The following DPP10 variants were observed in gnomAD, a reference collection of about 807,000 sequenced individuals.
DPP10 encodes dipeptidyl peptidase like 10.
In DPP10, 33 loss-of-function variants were observed where a neutral mutation model predicts 120.9. The ratio of observed to expected loss-of-function variants is 0.27; its 90% CI spans 0.21 to 0.37. DPP10 has a LOEUF of 0.37. DPP10 is among the 10% of genes least tolerant of loss of function. The pLI is 1.00. For missense variants in DPP10, 816 were observed against 942.8 expected (o/e 0.87, Z 1.76); for synonymous variants, 337 against 326.1 (o/e 1.03, Z -0.36).
chr2:114,894,668 G>A (rs949894715), intron 1 of DPP10, among the ~76,000 whole-genome samples: 5 of 151,746 alleles, frequency 3.3e-5, no homozygotes, highest in African/African-American at 4.8e-5. Flanking sequence ...ATGATTTCGC[G>A]GATTTTTAAA....
At chr2:115,136,149 T>C (rs1439622560) in intron 1 of DPP10, among the ~76,000 whole-genome samples, 1 of 125,560 alleles carries the variant, frequency 8.0e-6, no homozygotes, top group Non-Finnish European at 1.7e-5. Context: ...AAACAGCAGC[T>C]ACCTGGTTTA....
chr2:115,444,809 A>C (rs1326459544), intron 3 of DPP10, among the ~76,000 whole-genome samples: 1 of 152,190 alleles, frequency 6.6e-6, no homozygotes, highest in East Asian at 1.9e-4. Flanking sequence ...CTGTGTACCT[A>C]TGGAATTTTT....
chr2:115,423,558 T>C (rs947960789), intron 3 of DPP10, among the ~76,000 whole-genome samples: 1 of 151,962 alleles, frequency 6.6e-6, no homozygotes, highest in Non-Finnish European at 1.5e-5. Context: ...AACTAACAAA[T>C]GACAAAAAGA....
At chr2:115,377,156 A>C (rs1409502834) in intron 3 of DPP10, among the ~76,000 whole-genome samples, 1 of 152,130 alleles carries the variant, frequency 6.6e-6, no homozygotes, top group Admixed American at 6.5e-5. Context: ...GAACTAGTTT[A>C]CAGTCCCACC....
chr2:114,878,583 G>A (rs904973814), intron 1 of DPP10, among the ~76,000 whole-genome samples: 2 of 151,862 alleles, frequency 1.3e-5, no homozygotes, highest in East Asian at 3.9e-4. Flanking sequence ...ATCATCCTTA[G>A]CCCTTCACAC....
intron 5 of DPP10, among the ~76,000 whole-genome samples, chr2:115,654,224 A>G (rs1454750235): frequency 6.6e-6 from 1 of 151,864 alleles, no homozygotes; most frequent in Non-Finnish European, 1.5e-5. Context: ...AAACAAATAT[A>G]AAAAATAAAT....
At chr2:115,701,879 T>C (rs2091903724) in intron 7 of DPP10, among the ~76,000 whole-genome samples, 1 of 152,084 alleles carries the variant, frequency 6.6e-6, no homozygotes, top group Non-Finnish European at 1.5e-5. Context: ...GAAAGAAGTT[T>C]GATCTTAATA....
chr2:114,537,849 AT>A (rs1407721964), intron 1 of DPP10, among the ~76,000 whole-genome samples: 1 of 152,192 alleles, frequency 6.6e-6, no homozygotes, highest in Non-Finnish European at 1.5e-5. Context: ...ACATAAATGG[AT>A]TATGTGTACT....
At chr2:114,872,288 G>C (rs772308432) in intron 1 of DPP10, among the ~76,000 whole-genome samples, 4 of 152,034 alleles carry the variant, frequency 2.6e-5, no homozygotes, top group Admixed American at 6.6e-5. Flanking sequence ...CTCAGCGGAG[G>C]GGGAGAAAAA....
intron 11 of DPP10, among the ~76,000 whole-genome samples, chr2:115,755,258 A>G (rs1257546083): frequency 6.6e-6 from 1 of 152,154 alleles, no homozygotes; most frequent in Non-Finnish European, 1.5e-5. Context: ...ACAGGTGGAA[A>G]TTTTAGTGGA....
chr2:114,888,311 C>T (rs1672259147), intron 1 of DPP10, among the ~76,000 whole-genome samples: 1 of 151,982 alleles, frequency 6.6e-6, no homozygotes, highest in Non-Finnish European at 1.5e-5. Flanking sequence ...TAACTGATTC[C>T]TATAACTTTG....
At chr2:114,646,060 C>T (rs995640548) in intron 1 of DPP10, among the ~76,000 whole-genome samples, 24 of 151,434 alleles carry the variant, frequency 1.6e-4, no homozygotes, top group African/African-American at 5.3e-4. Flanking sequence ...CTCAGGAGGC[C>T]GAGGCAGGAG....
intron 1 of DPP10, among the ~76,000 whole-genome samples, chr2:114,871,585 T>A (rs553515940): frequency 4.6e-5 from 7 of 152,336 alleles, no homozygotes; most frequent in African/African-American, 9.6e-5. Context: ...GTTCTTAAGA[T>A]GTTAGGATGT....
chr2:114,502,527 T>C lies in DPP10; in HGVS notation c.60+59689T>C, dbSNP rs187622582. ...AGCTTAAGAGATTCCAAAACAGTCA[T>C]GGATAAGTAATAAGTCACTTGTCAT... On this transcript the variant is annotated intron_variant, in intron 1 of 25. Transcript: ENST00000410059. Among the ~76,000 whole-genome samples the C allele has an allele frequency of 1.2e-3, 177 of 152,338 alleles. 1 individual carries two copies. The highest frequency in any genetic ancestry group is 4.2e-3 in the African/African-American group (173 of 41,586).
intron 1 of DPP10, among the ~76,000 whole-genome samples, chr2:115,147,570 G>A (rs939912824): frequency 7.9e-5 from 12 of 152,086 alleles, no homozygotes; most frequent in African/African-American, 2.9e-4. Flanking sequence ...TTCAATAAAT[G>A]TGAGCTATTA....
intron 1 of DPP10, among the ~76,000 whole-genome samples, chr2:114,937,084 A>T (rs529874838): frequency 6.6e-6 from 1 of 152,230 alleles, no homozygotes; most frequent in African/African-American, 2.4e-5. Context: ...GCTGTGCAGA[A>T]GCTTTTTAGT....
Position 115,836,184 on chromosome 2 carries a change from A to G in DPP10, c.1978A>G (p.Ile660Val). ...TTATGGTGGCTATATTGCATCAATG[A>G]TCTTAAAATCAGATGAAAAGCTTTT... ...KGYGGYIASM[I>V]LKSDEKLFKC... Residue 660 changes from isoleucine (I) to valine (V), a missense_variant, in exon 22 of 26, where the codon ATC (isoleucine) becomes GTC (valine). Transcript: ENST00000410059. 6.2e-7 allele frequency: 1 copy of G among 1,603,766 alleles called. No individual in the cohort carries two copies. Among genetic ancestry groups the G allele is most frequent in the Non-Finnish European group, 8.5e-7 (1 of 1,176,182 alleles).
intron 1 of DPP10, among the ~76,000 whole-genome samples, chr2:114,444,807 C>T (rs1362180000): frequency 6.6e-6 from 1 of 152,088 alleles, no homozygotes; most frequent in Non-Finnish European, 1.5e-5. Context: ...GCACCCCATT[C>T]CCAATATTGC....
At chr2:114,837,743 A>G (rs1419955948) in intron 1 of DPP10, among the ~76,000 whole-genome samples, 4 of 152,192 alleles carry the variant, frequency 2.6e-5, no homozygotes, top group Non-Finnish European at 5.9e-5. Context: ...TGCCTCACAA[A>G]TCATTGCAGG....
Sources: allele counts gnomAD v4.1 joint callset (sites outside exome capture counted in the v4.1 genomes callset), GRCh38; gene constraint gnomAD v4.1.1; transcripts MANE v1.5; gene names NCBI Gene and HGNC (gene_info 2026-07-23, HGNC 2026-07-21).